SPATC1L: variants seen among roughly 807,000 people sequenced by gnomAD.
The protein encoded by SPATC1L is speriolin-like protein.
SPATC1L carries 20 observed loss-of-function variants against 21.2 expected under a neutral mutation model. That is an observed-to-expected ratio of 0.94 (90% CI 0.66 to 1.37). The LOEUF (loss-of-function observed/expected upper bound fraction) is 1.37. Ranked by LOEUF, SPATC1L falls within the 40% of genes most tolerant of loss-of-function variation. The pLI is 0.00. For missense variants in SPATC1L, 499 were observed against 478.7 expected (o/e 1.04, Z -0.40); for synonymous variants, 290 against 234.5 (o/e 1.24, Z -2.16).
Position 46,161,896 on chromosome 21 carries a change from G to A in SPATC1L, c.696+20C>T. The stretch of plus-strand genomic sequence containing the variant: ...GAGCGCCCCGCACCCTCCTGGCCGC[G>A]CCCTCCCCACGGGGCGCACCTGCTC... On this transcript the variant is annotated intron_variant, in intron 4 of 4. Transcript: ENST00000291672. 3 of 1,601,626 alleles carry A rather than the reference G, an allele frequency of 1.9e-6. No homozygotes were observed. Among genetic ancestry groups the A allele is most frequent in the Non-Finnish European group, 2.5e-6 (3 of 1,178,490 alleles).
chr21:46,173,644 C>A (rs1053997253), intron 2 of SPATC1L, among the ~76,000 whole-genome samples: 10 of 152,134 alleles, frequency 6.6e-5, no homozygotes, highest in Non-Finnish European at 1.3e-4. Flanking sequence ...ATCACTCCTG[C>A]TTGCAGGGCA....
At chr21:46,164,399 G>A (rs1219170694) in intron 3 of SPATC1L, among the ~76,000 whole-genome samples, 1 of 152,152 alleles carries the variant, frequency 6.6e-6, no homozygotes, top group Non-Finnish European at 1.5e-5. Context: ...TGCAGAAGAG[G>A]TATGTCAACA....
rs779094260 is a variant in SPATC1L, at chr21:46,168,312, G to A, written c.540C>T (p.Leu180=). ...TGCCCCCGCACCCGGCCATACCATT[G>A]AGGTAGTAGCTCCTCCTGGTCCTGT... ...TGDRTRRSYY[L]NEIQSFAGAE... Residue 180 remains leucine (L), a synonymous_variant, in exon 3 of 5, where the codon CTC becomes CTT. Transcript: ENST00000291672. 2.5e-6 allele frequency: 4 copies of A among 1,573,708 alleles called. No homozygotes were observed. The African/African-American group carries it at 4.1e-5, about 16-fold the overall frequency.
chr21:46,175,674 C>T (rs969398719), intron 2 of SPATC1L, among the ~76,000 whole-genome samples: 2 of 152,058 alleles, frequency 1.3e-5, no homozygotes, highest in African/African-American at 4.8e-5. Context: ...AAATAGCCTA[C>T]CAACCAAAAA....
intron 2 of SPATC1L, among the ~76,000 whole-genome samples, chr21:46,173,366 C>T (rs1374760359): frequency 2.0e-5 from 3 of 152,196 alleles, no homozygotes; most frequent in East Asian, 3.9e-4. Flanking sequence ...GACGGCCACA[C>T]ACCAGCCTGC....
rs1353011405 is a variant in SPATC1L at position 46,172,913 on chromosome 21, GGAGT to G, written c.194-4259_194-4256del. The stretch of plus-strand genomic sequence containing the variant: ...CCCACAACAGCTCTGGGGAAATGGG[GGAGT>G]TAAACGGGCAAGGAGCAACCCACTG... On this transcript the variant is annotated intron_variant, in intron 2 of 4. Coordinates refer to ENST00000291672, the MANE Select transcript of SPATC1L (RefSeq NM_001142854.2). 2.0e-5 allele frequency among the ~76,000 whole-genome samples: 3 copies of G among 152,322 alleles called. No homozygotes were observed. The East Asian group carries it at 5.8e-4, about 29-fold the overall frequency.
chr21:46,169,478 C>T (rs2079567636), intron 2 of SPATC1L, among the ~76,000 whole-genome samples: 1 of 130,086 alleles, frequency 7.7e-6, no homozygotes, highest in South Asian at 2.3e-4. Context: ...GAGCCTCCTG[C>T]TCTGTGAGCA....
At chr21:46,168,276 G>A in intron 3 of SPATC1L, 32 bp downstream of exon 3, 1 of 1,491,384 alleles carries the variant, frequency 6.7e-7, no homozygotes, top group Non-Finnish European at 9.1e-7. Flanking sequence ...TGCACTGGGG[G>A]CCCCCCCAGG....
At position 46,165,936 on chromosome 21, in the gene SPATC1L, CG is replaced by C. The variant is rs566507613; in HGVS notation, c.544+2371del. Among the ~76,000 whole-genome samples the C allele has an allele frequency of 1.2e-3, 188 of 152,248 alleles. 2 individuals carry two copies. Among genetic ancestry groups the C allele is most frequent in the Non-Finnish European group, 2.3e-3 (156 of 68,020 alleles). On this transcript the variant is annotated intron_variant, in intron 3 of 4. Transcript: ENST00000291672. ...CCATTCAAGGCTCGGGTAGTTTCAGCGGTGAATTCTACCACTTAAGGAATAA... is the reference window on the plus strand; with the variant it reads ...CCATTCAAGGCTCGGGTAGTTTCAGCGTGAATTCTACCACTTAAGGAATAA...
chr21:46,179,797 C>T (rs979907773), intron 2 of SPATC1L, among the ~76,000 whole-genome samples: 3 of 152,178 alleles, frequency 2.0e-5, no homozygotes, highest in African/African-American at 4.8e-5. Flanking sequence ...AGGACAATCC[C>T]GAGGGAGACG....
At chr21:46,173,561 C>T (rs1262041374) in intron 2 of SPATC1L, among the ~76,000 whole-genome samples, 1 of 152,076 alleles carries the variant, frequency 6.6e-6, no homozygotes. Flanking sequence ...GCCAGCAAGC[C>T]CCATACCCGC....
intron 1 of SPATC1L, 58 bp downstream of exon 1, chr21:46,184,298 C>A (rs551714437): frequency 1.3e-5 from 2 of 154,398 alleles, no homozygotes; most frequent in East Asian, 1.9e-4. Flanking sequence ...TCAGTCAGTG[C>A]GACCGACTTG....
Position 46,161,635 on chromosome 21 carries a change from G to A in SPATC1L, c.767C>T (p.Ala256Val), listed in dbSNP as rs750400397. Reference sequence around the variant, plus strand: ...CAGCTTCTCCAGGCGCGCGCTCAGGGCCAGGTAGCGCTGCGTCAGCTCGCG... The same window carrying A: ...CAGCTTCTCCAGGCGCGCGCTCAGGACCAGGTAGCGCTGCGTCAGCTCGCG... ...KLRELTQRYL[A>V]LSARLEKLGY... The change falls in exon 5 of 5, where the codon GCC becomes GTC. Residue 256 changes from alanine (A) to valine (V), a missense_variant. Coordinates refer to ENST00000291672, the MANE Select transcript of SPATC1L (RefSeq NM_001142854.2). 3.7e-6 allele frequency: 6 copies of A among 1,610,212 alleles called. No homozygotes were observed. The highest frequency in any genetic ancestry group is 3.3e-5 in the South Asian group (3 of 90,764).
intron 1 of SPATC1L, 143 bp downstream of exon 1, chr21:46,184,213 A>G (rs1465281162): frequency 3.9e-5 from 6 of 153,748 alleles, no homozygotes; most frequent in Non-Finnish European, 8.7e-5. Flanking sequence ...GACGCCCCCA[A>G]CCCATGGCCA....
intron 2 of SPATC1L, among the ~76,000 whole-genome samples, chr21:46,171,939 GAAA>G (rs66628257): frequency 0.1 from 6,793 of 67,680 alleles, 175 homozygotes; most frequent in Non-Finnish European, 0.14. Flanking sequence ...ATAACCCCCA[GAAA>G]AAAAAAAAAA....
chr21:46,164,768 G>C (rs951646021), intron 3 of SPATC1L, among the ~76,000 whole-genome samples: 1 of 147,002 alleles, frequency 6.8e-6, no homozygotes, highest in African/African-American at 2.6e-5. Context: ...CTCCAGCCTG[G>C]GCGACAGAGC....
At chr21:46,165,047 A>G (rs2079530836) in intron 3 of SPATC1L, among the ~76,000 whole-genome samples, 1 of 152,244 alleles carries the variant, frequency 6.6e-6, no homozygotes, top group South Asian at 2.1e-4. Flanking sequence ...AGCAGAAATT[A>G]GAGATGCCAC....
chr21:46,176,882 T>C (rs1323402967), intron 2 of SPATC1L, among the ~76,000 whole-genome samples: 3 of 152,130 alleles, frequency 2.0e-5, no homozygotes, highest in Non-Finnish European at 2.9e-5. Context: ...CTTCAAACTA[T>C]ACTACAGAGC....
chr21:46,176,853 G>T (rs2079636827), intron 2 of SPATC1L, among the ~76,000 whole-genome samples: 1 of 152,176 alleles, frequency 6.6e-6, no homozygotes, highest in Non-Finnish European at 1.5e-5. Context: ...AACAAAGCTG[G>T]AGGCATCACA....
Sources: allele counts gnomAD v4.1 joint callset (sites outside exome capture counted in the v4.1 genomes callset), GRCh38; gene constraint gnomAD v4.1.1; transcripts MANE v1.5; gene names NCBI Gene and HGNC (gene_info 2026-07-23, HGNC 2026-07-21).